Variants in NRROS observed in about 807,000 individuals in gnomAD.
NRROS encodes the protein negative regulator of reactive oxygen species.
Under a neutral mutation model 12.0 loss-of-function variants are expected in NRROS, and 6 were observed. That is an observed-to-expected ratio of 0.50 (90% CI 0.27 to 0.98). NRROS has a LOEUF of 0.98. Ranked by LOEUF, NRROS falls within the 50% of genes least tolerant of loss-of-function variation. NRROS has a pLI of 0.11. For missense variants in NRROS, 857 were observed against 888.2 expected, an observed-to-expected ratio of 0.96 and a Z score of 0.45; for synonymous variants, 462 against 410.2, an observed-to-expected ratio of 1.13 and a Z score of -1.53.
chr3:196,642,575 C>T (rs1283726437), intron 1 of NRROS, among the ~76,000 whole-genome samples: 1 of 152,162 alleles, frequency 6.6e-6, no homozygotes, highest in Non-Finnish European at 1.5e-5. Context: ...TGGATTGATT[C>T]TCATGGGCTT....
In NRROS at chr3:196,660,277, C is replaced by G. The variant is rs371637521; in HGVS notation, c.634C>G (p.Leu212Val). Residue 212 changes from leucine (L) to valine (V), a missense_variant, in exon 3 of 3, where the codon CTG becomes GTG. Coordinates refer to ENST00000328557, the MANE Select transcript of NRROS (RefSeq NM_198565.3). This position sits in a 1 kb window ranked among gnomAD's most constrained non-coding sequence, Gnocchi z 7.7. ...CCTGGCTGAGCTGAGGCACCTCAAC[C>G]TGGCCTTCAACAACCTCCCCTGCAT... ...DGLAELRHLN[L>V]AFNNLPCIVD... The G allele has an allele frequency of 1.2e-6, 2 of 1,613,972 alleles. No individual in the cohort carries two copies. Among genetic ancestry groups the G allele is most frequent in the Non-Finnish European group, 1.7e-6 (2 of 1,180,040 alleles).
At chr3:196,640,920 G>A (rs902998830) in intron 1 of NRROS, among the ~76,000 whole-genome samples, 3 of 152,170 alleles carry the variant, frequency 2.0e-5, no homozygotes, top group African/African-American at 7.2e-5. Flanking sequence ...AACATTCAGC[G>A]TCTGTGGCCC....
chr3:196,658,385 C>T (rs1228576907), intron 2 of NRROS, among the ~76,000 whole-genome samples: 4 of 152,100 alleles, frequency 2.6e-5, no homozygotes, highest in Admixed American at 1.3e-4. Flanking sequence ...TTCCATATGT[C>T]AATACAGTAT....
chr3:196,659,655 C>T (rs1329553445), intron 2 of NRROS, 97 bp from the exon 3 acceptor site: 8 of 1,231,370 alleles, frequency 6.5e-6, no homozygotes, highest in Admixed American at 2.6e-5. Context: ...CCATCCCCGG[C>T]GGTTGCAGGG....
intron 1 of NRROS, among the ~76,000 whole-genome samples, chr3:196,647,755 C>T (rs1044212371): frequency 6.6e-6 from 1 of 152,224 alleles, no homozygotes; most frequent in Admixed American, 6.5e-5. Context: ...GACGGGGTTT[C>T]ACCATGTTGG....
At chr3:196,647,687 T>C (rs542228667) in intron 1 of NRROS, among the ~76,000 whole-genome samples, 21 of 152,218 alleles carry the variant, frequency 1.4e-4, no homozygotes, top group Non-Finnish European at 2.8e-4. Flanking sequence ...GCCTCCCGAG[T>C]AGCTGGAATT....
At chr3:196,658,971 A>C (rs1156922775) in intron 2 of NRROS, among the ~76,000 whole-genome samples, 1 of 152,194 alleles carries the variant, frequency 6.6e-6, no homozygotes, top group Non-Finnish European at 1.5e-5. Context: ...CTTCATCTCA[A>C]AAAAACAAAA....
chr3:196,647,620 A>G (rs1200524058), intron 1 of NRROS, among the ~76,000 whole-genome samples: 2 of 152,152 alleles, frequency 1.3e-5, no homozygotes, highest in Non-Finnish European at 2.9e-5. Flanking sequence ...GTGCAATGGC[A>G]TGATCTCGGC....
At chr3:196,652,346 C>T (rs972849851) in intron 1 of NRROS, among the ~76,000 whole-genome samples, 1 of 152,176 alleles carries the variant, frequency 6.6e-6, no homozygotes, top group African/African-American at 2.4e-5. Flanking sequence ...AATTGTGTTA[C>T]TTGCTACCTT....
chr3:196,657,535 C>G (rs916926336), intron 2 of NRROS, among the ~76,000 whole-genome samples: 1 of 152,064 alleles, frequency 6.6e-6, no homozygotes, highest in East Asian at 1.9e-4. Flanking sequence ...TGGCAAAACT[C>G]TGCCTCTACT....
chr3:196,652,228 CCT>C (rs1438832660), intron 1 of NRROS, among the ~76,000 whole-genome samples: 1 of 152,136 alleles, frequency 6.6e-6, no homozygotes, highest in African/African-American at 2.4e-5. Flanking sequence ...ATTACTCAGG[CCT>C]TTATTTTAGA....
chr3:196,660,537 G>A lies in NRROS; in HGVS notation c.894G>A (p.Glu298=). ...RDLYNTSSPR[E]MVAQFLLVDG... ...TGTACAACACCTCGTCGCCGAGGGA[G>A]ATGGTGGCCCAGTTCCTCCTCGTGG... Residue 298 remains glutamate, a synonymous_variant, in exon 3 of 3, where the codon GAG becomes GAA. Coordinates refer to ENST00000328557, the MANE Select transcript of NRROS (RefSeq NM_198565.3). This position sits in a 1 kb window ranked among gnomAD's most constrained non-coding sequence, Gnocchi z 7.7. The A allele has an allele frequency of 6.2e-7, 1 of 1,614,130 alleles. No homozygotes were observed. Among genetic ancestry groups the A allele is most frequent in the East Asian group, 2.2e-5 (1 of 44,882 alleles).
chr3:196,659,555 T>A (rs1383975474), intron 2 of NRROS, among the ~76,000 whole-genome samples, 197 bp from the exon 3 acceptor site: 1 of 152,110 alleles, frequency 6.6e-6, no homozygotes, highest in Non-Finnish European at 1.5e-5. Flanking sequence ...GTGATCCACC[T>A]GCCTCGGCCT....
intron 1 of NRROS, among the ~76,000 whole-genome samples, chr3:196,642,757 G>T (rs970039330): frequency 6.6e-6 from 1 of 152,112 alleles, no homozygotes; most frequent in Non-Finnish European, 1.5e-5. Context: ...CTACTGAATT[G>T]TACACCTAAA....
chr3:196,640,636 C>G (rs1737188324), intron 1 of NRROS, among the ~76,000 whole-genome samples: 1 of 152,156 alleles, frequency 6.6e-6, no homozygotes, highest in South Asian at 2.1e-4. Context: ...GCATGTGGGC[C>G]GGCTTCTGAA....
intron 2 of NRROS, 42 bp from the exon 3 acceptor site, chr3:196,659,710 T>C (rs1157710381): frequency 2.5e-6 from 4 of 1,569,232 alleles, no homozygotes; most frequent in Non-Finnish European, 3.5e-6. Context: ...AATGCTTGCC[T>C]CTGGGCCTCC....
At chr3:196,650,904 G>C (rs1027087071) in intron 1 of NRROS, among the ~76,000 whole-genome samples, 2 of 152,200 alleles carry the variant, frequency 1.3e-5, no homozygotes, top group Non-Finnish European at 2.9e-5. Flanking sequence ...GGCAGCTCAG[G>C]GTCCCAGGAA....
chr3:196,649,359 C>T (rs191502407), intron 1 of NRROS, among the ~76,000 whole-genome samples: 212 of 152,334 alleles, frequency 1.4e-3, no homozygotes, highest in African/African-American at 4.9e-3. Context: ...GGCCTCCATC[C>T]GGCACCGTGT....
At chr3:196,653,665 G>A (rs1737476822) in intron 1 of NRROS, among the ~76,000 whole-genome samples, 1 of 152,252 alleles carries the variant, frequency 6.6e-6, no homozygotes, top group Admixed American at 6.5e-5. Context: ...AGCTCGGGGA[G>A]CGAGGCGGGG....
Sources: gnomAD v4.1 joint callset for allele counts (sites outside exome capture counted in the v4.1 genomes callset) on GRCh38, gnomAD v4.1.1 for gene constraint, Gnocchi (gnomAD v3.1) non-coding constraint, MANE v1.5 for transcripts, NCBI Gene and HGNC (gene_info 2026-07-23, HGNC 2026-07-21) for gene names.